Variants in DIP2C observed in about 807,000 individuals in gnomAD.
The protein encoded by DIP2C is DIP2 acetate--CoA ligase C (putative).
In DIP2C, 33 loss-of-function variants were observed where a neutral mutation model predicts 192.4. That is an observed-to-expected ratio of 0.17 (90% confidence interval 0.13 to 0.23). The LOEUF (loss-of-function observed/expected upper bound fraction) is 0.23. DIP2C is among the 10% of genes least tolerant of loss of function. The pLI is 1.00. For missense variants in DIP2C, 1,537 were observed against 2,110.1 expected, an observed-to-expected ratio of 0.73 and a Z score of 5.32; for synonymous variants, 979 against 864.1, an observed-to-expected ratio of 1.13 and a Z score of -2.33.
At chr10:521,142 T>A (rs1368697241) in intron 1 of DIP2C, among the ~76,000 whole-genome samples, 1 of 152,192 alleles carries the variant, frequency 6.6e-6, no homozygotes, top group Non-Finnish European at 1.5e-5. Context: ...GAACTCAAAT[T>A]CCATTTTTAA....
intron 30 of DIP2C, among the ~76,000 whole-genome samples, chr10:328,903 C>T (rs559526069): frequency 1.8e-4 from 28 of 152,246 alleles, no homozygotes; most frequent in Admixed American, 1.6e-3. Flanking sequence ...TCAAAATGTC[C>T]TTGGTTTAAA....
intron 17 of DIP2C, among the ~76,000 whole-genome samples, chr10:376,741 A>G (rs1484258355): frequency 1.3e-5 from 2 of 152,144 alleles, no homozygotes; most frequent in African/African-American, 4.8e-5. Flanking sequence ...TCTTTTTCAC[A>G]GCAGCAGAAT....
intron 36 of DIP2C, among the ~76,000 whole-genome samples, chr10:279,094 A>C (rs1954673694): frequency 6.6e-6 from 1 of 152,112 alleles, no homozygotes; most frequent in African/African-American, 2.4e-5. Flanking sequence ...AAAATTGGAG[A>C]ATTTTCCTGG....
At chr10:464,190 C>T (rs1012341666) in intron 3 of DIP2C, among the ~76,000 whole-genome samples, 7 of 152,074 alleles carry the variant, frequency 4.6e-5, no homozygotes, top group African/African-American at 1.4e-4. Flanking sequence ...AAATAAACTA[C>T]CATCAGAGTG....
intron 1 of DIP2C, among the ~76,000 whole-genome samples, chr10:496,147 GT>G (rs1373814640): frequency 1.9e-4 from 19 of 100,932 alleles, no homozygotes; most frequent in Middle Eastern, 0.013. Context: ...CCCAAACAAC[GT>G]TGAGTGCTGA....
chr10:341,093 G>A, intron 29 of DIP2C, 106 bp downstream of exon 29: 1 of 1,502,684 alleles, frequency 6.7e-7, no homozygotes, highest in Non-Finnish European at 9.2e-7. Flanking sequence ...TCCTCTGGCA[G>A]GAGTGGGGGT....
intron 31 of DIP2C, among the ~76,000 whole-genome samples, chr10:319,105 G>T (rs1271897589): frequency 6.6e-6 from 1 of 151,922 alleles, no homozygotes; most frequent in African/African-American, 2.4e-5. Context: ...TACAGACAGG[G>T]TCTTACTATG....
At chr10:326,906 G>C (rs2132441329) in intron 31 of DIP2C, 100 bp downstream of exon 31, 1 of 1,406,326 alleles carries the variant, frequency 7.1e-7, no homozygotes, top group Non-Finnish European at 9.5e-7. Flanking sequence ...TCTGGATGTA[G>C]CTAAGCATCA....
intron 1 of DIP2C, among the ~76,000 whole-genome samples, chr10:511,442 G>A (rs959893323): frequency 6.6e-6 from 1 of 152,230 alleles, no homozygotes; most frequent in African/African-American, 2.4e-5. Context: ...CAACAAGATT[G>A]TTTCCAAACC....
At position 345,106 on chromosome 10, in the gene DIP2C, C is replaced by A. The variant is rs1340545923; in HGVS notation, c.3236G>T (p.Ser1079Ile). 1 of 1,611,328 alleles carries A rather than the reference C, an allele frequency of 6.2e-7. No individual in the cohort carries two copies. Among genetic ancestry groups the A allele is most frequent in the Non-Finnish European group, 8.5e-7 (1 of 1,179,620 alleles). Residue 1079 changes from serine (S) to isoleucine (I), a missense_variant, in exon 27 of 37, where the codon AGT (serine) becomes ATT (isoleucine). Coordinates refer to ENST00000280886, the MANE Select transcript of DIP2C (RefSeq NM_014974.3). Reference protein sequence around the residue: ...LPTVKMIVEVSRSACLMTTQL... With the variant: ...LPTVKMIVEVIRSACLMTTQL... ...TGTCGTCATCAGACAGGCAGAGCGACTCACCTGGCATCAGAGAGCGAGAAT... is the reference window on the plus strand; with the variant it reads ...TGTCGTCATCAGACAGGCAGAGCGAATCACCTGGCATCAGAGAGCGAGAAT...
At chr10:284,146 G>A (rs1220553450) in intron 34 of DIP2C, among the ~76,000 whole-genome samples, 1 of 152,214 alleles carries the variant, frequency 6.6e-6, no homozygotes. Flanking sequence ...ACTCTGGAGT[G>A]TTTGCTGTGG....
At position 339,637 on chromosome 10, in the gene DIP2C, G is replaced by A. The variant is rs73585783; in HGVS notation, c.3584+1562C>T. Among the ~76,000 whole-genome samples the A allele has an allele frequency of 8.7e-3, 1,320 of 152,180 alleles. 24 individuals carry two copies. Among genetic ancestry groups the A allele is most frequent in the African/African-American group, 0.031 (1,270 of 41,522 alleles). ...GGGCCGTTGTTCAGAACAGACCTCT[G>A]CCGTTCAGCTTGGCGCATATACCTG... On this transcript the variant is annotated intron_variant, in intron 29 of 36. Coordinates refer to ENST00000280886, the MANE Select transcript of DIP2C (RefSeq NM_014974.3).
intron 32 of DIP2C, among the ~76,000 whole-genome samples, chr10:303,812 C>T (rs540824338): frequency 1.1e-4 from 17 of 152,290 alleles, no homozygotes; most frequent in Non-Finnish European, 1.9e-4. Context: ...CATGAGCCGC[C>T]GCGCCTGGCC....
chr10:367,203 G>C (rs1348401651), intron 18 of DIP2C, among the ~76,000 whole-genome samples: 2 of 152,188 alleles, frequency 1.3e-5, no homozygotes, highest in Non-Finnish European at 1.5e-5. Flanking sequence ...GGATCACAAG[G>C]TCAGGAGATC....
chr10:491,549 G>A (rs1844449510), intron 1 of DIP2C, among the ~76,000 whole-genome samples: 1 of 152,204 alleles, frequency 6.6e-6, no homozygotes, highest in Admixed American at 6.5e-5. Flanking sequence ...GGGGACAGGG[G>A]CAGGAGGACC....
chr10:308,867 G>A (rs1202129361), intron 32 of DIP2C, among the ~76,000 whole-genome samples: 1 of 152,232 alleles, frequency 6.6e-6, no homozygotes. Flanking sequence ...GCCCTGGCGT[G>A]TGAGCTCTCA....
At chr10:598,452 C>CA (rs747098987) in intron 1 of DIP2C, among the ~76,000 whole-genome samples, 3 of 152,256 alleles carry the variant, frequency 2.0e-5, no homozygotes, top group Non-Finnish European at 4.4e-5. Context: ...ATGCAATCAT[C>CA]ACATGCATTT....
chr10:303,370 TTAAA>T (rs756019757), intron 32 of DIP2C, among the ~76,000 whole-genome samples: 1 of 152,260 alleles, frequency 6.6e-6, no homozygotes, highest in Non-Finnish European at 1.5e-5. Flanking sequence ...AATTCCCTTG[TTAAA>T]TAAATTAACC....
At position 390,465 on chromosome 10, in the gene DIP2C, G is replaced by A. The variant is rs537960516; in HGVS notation, c.1385-92C>T. 4.7e-4 allele frequency: 588 copies of A among 1,262,348 alleles called. 1 individual carries two copies. In the African/African-American group the frequency reaches 6.4e-3, roughly 14 times the overall value. The allele number at this position is 1,262,348 out of a possible 1,614,324, so 78.2% of individuals were successfully genotyped here. A position where few individuals can be genotyped will look rare whatever the true frequency, so the allele number is the denominator to read the frequency against. ...ATTTATGTGGTACCCTTTCAAACACGTCAACTAGATCGAATCTCTGGTGTC... is the reference window on the plus strand; with the variant it reads ...ATTTATGTGGTACCCTTTCAAACACATCAACTAGATCGAATCTCTGGTGTC... On this transcript the variant is annotated intron_variant, in intron 11 of 36. Coordinates refer to ENST00000280886, the MANE Select transcript of DIP2C (RefSeq NM_014974.3).
Sources: gnomAD v4.1 joint callset for allele counts (sites outside exome capture counted in the v4.1 genomes callset) on GRCh38, gnomAD v4.1.1 for gene constraint, MANE v1.5 for transcripts, NCBI Gene and HGNC (gene_info 2026-07-23, HGNC 2026-07-21) for gene names.